The following VPS13A variants were observed in gnomAD, a reference collection of about 807,000 sequenced individuals.
VPS13A encodes the protein vacuolar protein sorting 13 homolog A, also known as intermembrane lipid transfer protein VPS13A.
In VPS13A, 264 loss-of-function variants were observed where a neutral mutation model predicts 390.9. The observed-to-expected ratio is 0.68, with a 90% CI of 0.61 to 0.75. The LOEUF (loss-of-function observed/expected upper bound fraction) is 0.75. VPS13A is among the 30% of genes least tolerant of loss of function. The pLI, the probability that VPS13A is intolerant of heterozygous loss-of-function variation, is 0.00. For missense variants in VPS13A, 3,409 were observed against 3,733.9 expected (o/e 0.91, Z 2.27); for synonymous variants, 1,231 against 1,227.1 (o/e 1.00, Z -0.07).
At chr9:77,311,386 A>G (rs1313607584) in intron 35 of VPS13A, among the ~76,000 whole-genome samples, 1 of 152,230 alleles carries the variant, frequency 6.6e-6, no homozygotes, top group Non-Finnish European at 1.5e-5. Context: ...TTTTAAATAT[A>G]GTAACATCAT....
At chr9:77,263,587 G>T (rs2131302001) in intron 23 of VPS13A, among the ~76,000 whole-genome samples, 2 of 152,090 alleles carry the variant, frequency 1.3e-5, no homozygotes, top group African/African-American at 2.4e-5. Flanking sequence ...CTTTTTGATG[G>T]GGTTGTTGGT....
intron 68 of VPS13A, chr9:77,385,216 C>T: frequency 1.1e-6 from 1 of 876,198 alleles, no homozygotes; most frequent in Non-Finnish European, 1.4e-6. Flanking sequence ...TTGTTCTATC[C>T]CCAAATCATA....
At chr9:77,376,570 A>T (rs1362268592) in intron 67 of VPS13A, among the ~76,000 whole-genome samples, 1 of 152,220 alleles carries the variant, frequency 6.6e-6, no homozygotes, top group Non-Finnish European at 1.5e-5. Flanking sequence ...ATCGTGAAGA[A>T]TAATTCTAAA....
chr9:77,219,973 T>C lies in VPS13A; in HGVS notation c.774T>C (p.Ala258=), dbSNP rs1823096370. 1 of 1,613,674 alleles carries C rather than the reference T, an allele frequency of 6.2e-7. No individual in the cohort carries two copies. Among genetic ancestry groups the C allele is most frequent in the Admixed American group, 1.7e-5 (1 of 60,004 alleles). The change falls in exon 11 of 72, where the codon GCT becomes GCC. Residue 258 remains alanine (A), a synonymous_variant. Coordinates refer to ENST00000360280, the MANE Select transcript of VPS13A (RefSeq NM_033305.3). ...TTTCAGTATTTCGTCCCATATCTGCTAATGCCAAACTTGTGATGAATCGCC... is the reference window on the plus strand; with the variant it reads ...TTTCAGTATTTCGTCCCATATCTGCCAATGCCAAACTTGTGATGAATCGCC... ...GYDFVFRPIS[A]NAKLVMNRRS... is the part of the protein sequence containing the mutation.
intron 27 of VPS13A, among the ~76,000 whole-genome samples, chr9:77,281,337 A>ATG (rs1827014079): frequency 6.6e-6 from 1 of 152,196 alleles, no homozygotes; most frequent in South Asian, 2.1e-4. Flanking sequence ...GGTGACAGAT[A>ATG]TGTTAGTTAG....
Position 77,401,329 on chromosome 9 carries a change from TTGTGTGTGTGTGTGTGTGTGTGTGTGTG to T in VPS13A, c.9190-1889_9190-1862del, listed in dbSNP as rs4012461. Among the ~76,000 whole-genome samples, 50 of 140,520 alleles carry T rather than the reference TTGTGTGTGTGTGTGTGTGTGTGTGTGTG, an allele frequency of 3.6e-4. No homozygotes were observed. The South Asian group carries it at 7.4e-3, about 21-fold the overall frequency. The allele number at this position is 140,520 out of a possible 152,430, so 92.2% of individuals were successfully genotyped here. A position where few individuals can be genotyped will look rare whatever the true frequency, so the allele number is the denominator to read the frequency against. On this transcript the variant is annotated intron_variant, in intron 68 of 71. Coordinates refer to ENST00000360280, the MANE Select transcript of VPS13A (RefSeq NM_033305.3). ...ACCACCATCTTGGGATCACATGAAGTTGTGTGTGTGTGTGTGTGTGTGTGTGTGTGTGTGTGTGTGTGTGTAAAAATTG... is the reference window on the plus strand; with the variant it reads ...ACCACCATCTTGGGATCACATGAAGTTGTGTGTGTGTGTGTGTAAAAATTG...
Position 77,260,281 on chromosome 9 carries a change from T to C in VPS13A, c.2427+57T>C. The C allele has an allele frequency of 1.9e-6, 3 of 1,566,598 alleles. No homozygotes were observed. In the East Asian group the frequency reaches 6.8e-5, roughly 35 times the overall value. On this transcript the variant is annotated intron_variant, in intron 23 of 71. Transcript: ENST00000360280. The stretch of plus-strand genomic sequence containing the variant: ...GAATTAAGAAAGTCCACAAATAGTA[T>C]TTCAAACAATCACAGGAATTTTATA...
At chr9:77,382,453 A>G (rs1470209024) in intron 68 of VPS13A, 27 of 1,383,284 alleles carry the variant, frequency 2.0e-5, no homozygotes, top group East Asian at 2.8e-5. Context: ...TGGTTTTTTT[A>G]TAGGGTGTTC....
intron 67 of VPS13A, among the ~76,000 whole-genome samples, chr9:77,373,248 A>G (rs1832881457): frequency 1.3e-5 from 2 of 149,314 alleles, no homozygotes; most frequent in South Asian, 4.4e-4. Context: ...CTACAAGGCT[A>G]CAGTAACCAA....
chr9:77,392,215 T>C (rs959261337), intron 68 of VPS13A, among the ~76,000 whole-genome samples: 2 of 152,154 alleles, frequency 1.3e-5, no homozygotes, highest in African/African-American at 2.4e-5. Flanking sequence ...ACTTGAAGCA[T>C]TGCAAGAGAC....
rs755243586 is a variant in VPS13A, at chr9:77,393,047, C to T, written c.9190-10189C>T. On this transcript the variant is annotated intron_variant, in intron 68 of 71. Coordinates refer to ENST00000360280, the MANE Select transcript of VPS13A (RefSeq NM_033305.3). ...ATTTTACCCTCAATAGAACTTCTTT[C>T]AAAATTGGAATCAGTCCTCTCAAAC... Among the ~76,000 whole-genome samples, 60 of 152,126 alleles carry T rather than the reference C, an allele frequency of 3.9e-4. 1 individual carries two copies. The highest frequency in any genetic ancestry group is 1.3e-4 in the Non-Finnish European group (9 of 68,022).
At chr9:77,281,423 T>A (rs537008953) in intron 27 of VPS13A, among the ~76,000 whole-genome samples, 6 of 152,106 alleles carry the variant, frequency 3.9e-5, no homozygotes, top group Admixed American at 1.3e-4. Context: ...ATAATTATGA[T>A]TTGTCAATCA....
chr9:77,233,158 T>G (rs1823935332), intron 17 of VPS13A, among the ~76,000 whole-genome samples: 1 of 152,138 alleles, frequency 6.6e-6, no homozygotes, highest in East Asian at 1.9e-4. Context: ...TTTATATATT[T>G]CTAGGAATTT....
At chr9:77,355,588 A>T (rs1831729040) in intron 54 of VPS13A, among the ~76,000 whole-genome samples, 1 of 152,196 alleles carries the variant, frequency 6.6e-6, no homozygotes, top group Non-Finnish European at 1.5e-5. Context: ...CCAACTGTGC[A>T]TGCAAAATCT....
intron 1 of VPS13A, among the ~76,000 whole-genome samples, chr9:77,179,397 C>T (rs1589956678): frequency 6.6e-6 from 1 of 152,086 alleles, no homozygotes; most frequent in African/African-American, 2.4e-5. Flanking sequence ...CCACCACGCC[C>T]GGCTAATTTT....
At chr9:77,269,660 C>T (rs1237175755) in intron 23 of VPS13A, among the ~76,000 whole-genome samples, 1 of 152,144 alleles carries the variant, frequency 6.6e-6, no homozygotes, top group Non-Finnish European at 1.5e-5. Flanking sequence ...GTATATCTCT[C>T]CATTTGCTTA....
Position 77,345,145 on chromosome 9 carries a change from A to C in VPS13A, c.7289+3A>C. On this transcript the variant is annotated splice_donor_region_variant and intron_variant, in intron 52 of 71. Transcript: ENST00000360280. Reference sequence around the variant, plus strand: ...GAACTTGTTCAATACAATCAAAGGTAAGATTATCACAAATACAGTAACTCT... The same window carrying C: ...GAACTTGTTCAATACAATCAAAGGTCAGATTATCACAAATACAGTAACTCT... 1 of 1,612,680 alleles carries C rather than the reference A, an allele frequency of 6.2e-7. No homozygotes were observed. Among genetic ancestry groups the C allele is most frequent in the Non-Finnish European group, 8.5e-7 (1 of 1,179,582 alleles).
At position 77,209,086 on chromosome 9, in the gene VPS13A, C is replaced by T. The variant is rs10869910; in HGVS notation, c.386-337C>T. The stretch of plus-strand genomic sequence containing the variant: ...TTTGAGAGAGATTTCTGCTTTGCTG[C>T]TGTTAGTGGATTTTCTCATTTAAGT... On this transcript the variant is annotated intron_variant, in intron 5 of 71. Transcript: ENST00000360280. 0.19 allele frequency among the ~76,000 whole-genome samples: 29,497 copies of T among 152,096 alleles called. 3,307 individuals are homozygous for T. The highest frequency in any genetic ancestry group is 0.39 in the East Asian group (2,018 of 5,170).
At chr9:77,363,720 A>G (rs1832280103) in intron 59 of VPS13A, among the ~76,000 whole-genome samples, 1 of 152,114 alleles carries the variant, frequency 6.6e-6, no homozygotes, top group Admixed American at 6.6e-5. Context: ...ATCTTCTGTA[A>G]ATCAATGACT....
Sources: gnomAD v4.1 joint callset for allele counts (sites outside exome capture counted in the v4.1 genomes callset) on GRCh38, gnomAD v4.1.1 for gene constraint, MANE v1.5 for transcripts, NCBI Gene and HGNC (gene_info 2026-07-23, HGNC 2026-07-21) for gene names.